The following GRIN2B variants were observed in gnomAD, a reference collection of about 807,000 sequenced individuals.
The protein encoded by GRIN2B is glutamate receptor ionotropic, NMDA 2B.
In GRIN2B, 5 loss-of-function variants were observed where a neutral mutation model predicts 114.5. The observed-to-expected ratio is 0.04, with a 90% confidence interval of 0.02 to 0.09. GRIN2B has a LOEUF of 0.09. Ranked by LOEUF, GRIN2B falls within the 10% of genes least tolerant of loss-of-function variation. The pLI is 1.00. For missense variants in GRIN2B, 1,108 were observed against 1,943.5 expected, an observed-to-expected ratio of 0.57 and a Z score of 8.08; for synonymous variants, 787 against 745.1, an observed-to-expected ratio of 1.06 and a Z score of -0.92.
intron 5 of GRIN2B, among the ~76,000 whole-genome samples, chr12:13,670,746 C>T (rs972442127): frequency 2.0e-5 from 3 of 152,032 alleles, no homozygotes; most frequent in Non-Finnish European, 4.4e-5. Flanking sequence ...CATGCTATGT[C>T]TGCATGCATA....
intron 2 of GRIN2B, among the ~76,000 whole-genome samples, chr12:13,943,096 T>G (rs1867290787): frequency 6.6e-6 from 1 of 152,086 alleles, no homozygotes; most frequent in Non-Finnish European, 1.5e-5. Context: ...GAGCAGCCAC[T>G]GCTCCCGTCT....
At chr12:13,825,716 C>A (rs1351488406) in intron 3 of GRIN2B, among the ~76,000 whole-genome samples, 1 of 151,814 alleles carries the variant, frequency 6.6e-6, no homozygotes, top group East Asian at 1.9e-4. Flanking sequence ...GGGGTTTCAC[C>A]ACATTGGCCA....
At chr12:13,593,511 G>A (rs1267521218) in intron 10 of GRIN2B, among the ~76,000 whole-genome samples, 2 of 152,180 alleles carry the variant, frequency 1.3e-5, no homozygotes, top group African/African-American at 2.4e-5. Flanking sequence ...AGCTGAAACT[G>A]GATCCCTTCC....
intron 3 of GRIN2B, among the ~76,000 whole-genome samples, chr12:13,792,570 AC>A (rs1304882816): frequency 2.0e-4 from 31 of 152,192 alleles, no homozygotes; most frequent in African/African-American, 6.3e-4. Context: ...TTCACCCCAG[AC>A]CCTGTTGAAG....
At chr12:13,678,705 T>C (rs920838433) in intron 4 of GRIN2B, among the ~76,000 whole-genome samples, 21 of 152,082 alleles carry the variant, frequency 1.4e-4, no homozygotes, top group Admixed American at 2.6e-4. Flanking sequence ...CCATCATTAG[T>C]GTGAAGGTAA....
chr12:13,783,036 T>G (rs927249918), intron 3 of GRIN2B, among the ~76,000 whole-genome samples: 4 of 152,184 alleles, frequency 2.6e-5, no homozygotes, highest in Non-Finnish European at 4.4e-5. Context: ...TTCCAAAGAC[T>G]GGGAAATGTT....
intron 3 of GRIN2B, among the ~76,000 whole-genome samples, chr12:13,790,629 T>A (rs554347399): frequency 1.9e-4 from 29 of 152,354 alleles, no homozygotes; most frequent in African/African-American, 7.0e-4. Flanking sequence ...TCATCTCCCA[T>A]GAATCCTCTG....
At chr12:13,659,737 C>A (rs576654028) in intron 5 of GRIN2B, among the ~76,000 whole-genome samples, 2 of 152,264 alleles carry the variant, frequency 1.3e-5, no homozygotes, top group East Asian at 3.9e-4. Flanking sequence ...TAAAACCTTC[C>A]CTATCATTTA....
intron 4 of GRIN2B, among the ~76,000 whole-genome samples, chr12:13,686,945 G>A (rs1190271869): frequency 1.3e-5 from 2 of 152,034 alleles, no homozygotes; most frequent in Non-Finnish European, 2.9e-5. Flanking sequence ...TCTTTATCAG[G>A]TCCCATGAGA....
chr12:13,580,705 A>T (rs1474722856), intron 10 of GRIN2B, among the ~76,000 whole-genome samples: 1 of 152,186 alleles, frequency 6.6e-6, no homozygotes, highest in African/African-American at 2.4e-5. Context: ...TTTTAATAGT[A>T]CTTTTAAATT....
intron 3 of GRIN2B, among the ~76,000 whole-genome samples, chr12:13,842,917 C>CTTTT (rs201344138): frequency 6.8e-5 from 7 of 103,220 alleles, no homozygotes; most frequent in East Asian, 2.9e-4. Context: ...ATTGGTTTTT[C>CTTTT]TTTTTTTTTT....
chr12:13,744,887 C>T (rs1863350140), intron 4 of GRIN2B, among the ~76,000 whole-genome samples: 2 of 152,146 alleles, frequency 1.3e-5, no homozygotes, highest in African/African-American at 4.8e-5. Flanking sequence ...GCTCCTGCCA[C>T]ATATCTTCCT....
At position 13,558,960 on chromosome 12, in the gene GRIN2B, G is replaced by A. The variant is rs983097435; in HGVS notation, c.*3823C>T. On this transcript the variant is annotated 3_prime_UTR_variant, in exon 14 of 14. Transcript: ENST00000609686. ...TCACCAACCACTTCTGCAATGGAAG[G>A]GAATGATAGAGGGTACAAAGCGAGA... The A allele has an allele frequency of 6.6e-6, 1 of 152,190 alleles. No individual in the cohort carries two copies. Among genetic ancestry groups the A allele is most frequent in the African/African-American group, 2.4e-5 (1 of 41,426 alleles). The allele number at this position is 152,190 out of a possible 1,614,324, so 9.4% of individuals were successfully genotyped here. A position where few individuals can be genotyped will look rare whatever the true frequency, so the allele number is the denominator to read the frequency against.
intron 4 of GRIN2B, among the ~76,000 whole-genome samples, chr12:13,739,797 C>G (rs1272275885): frequency 2.6e-5 from 4 of 152,172 alleles, no homozygotes. Flanking sequence ...CCACTAGAGG[C>G]CGCTCTGAGC....
rs1291904458 is a variant in GRIN2B at position 13,753,504 on chromosome 12, T to C, written c.823A>G (p.Thr275Ala). Residue 275 changes from threonine (T) to alanine (A), a missense_variant, in exon 4 of 14, where the codon ACT (threonine) becomes GCT (alanine). Around this residue, in one of 19 missense-constraint regions of GRIN2B, gnomAD observed 199 missense variants for 439.6 expected, o/e 0.45. Coordinates refer to ENST00000609686, the MANE Select transcript of GRIN2B (RefSeq NM_000834.5). This position sits in a 1 kb window ranked among gnomAD's most constrained non-coding sequence, Gnocchi z 6.2. ...DTDTVPAEFP[T>A]GLISVSYDEW... ...TCATATGATACAGAGATGAGCCCAGTGGGGAACTCCGCAGGCACTGTGTCT... is the reference window on the plus strand; with the variant it reads ...TCATATGATACAGAGATGAGCCCAGCGGGGAACTCCGCAGGCACTGTGTCT... 1 of 1,614,030 alleles carries C rather than the reference T, an allele frequency of 6.2e-7. No individual in the cohort carries two copies. Among genetic ancestry groups the C allele is most frequent in the Non-Finnish European group, 8.5e-7 (1 of 1,180,046 alleles).
chr12:13,634,474 C>T (rs901328697), intron 5 of GRIN2B, among the ~76,000 whole-genome samples: 2 of 152,198 alleles, frequency 1.3e-5, no homozygotes, highest in African/African-American at 4.8e-5. Flanking sequence ...CCATCTTCAA[C>T]AGGAGTCTTC....
At chr12:13,654,437 A>G (rs1030947263) in intron 5 of GRIN2B, among the ~76,000 whole-genome samples, 2 of 152,180 alleles carry the variant, frequency 1.3e-5, no homozygotes, top group African/African-American at 4.8e-5. Context: ...AACCAAAGTG[A>G]AAATCTTGAC....
intron 2 of GRIN2B, among the ~76,000 whole-genome samples, chr12:13,938,766 T>G (rs1867176700): frequency 1.3e-5 from 2 of 152,212 alleles, no homozygotes; most frequent in African/African-American, 2.4e-5. Context: ...ACAAGAGAAC[T>G]TCCTTCGATG....
At chr12:13,920,485 G>T (rs1866804971) in intron 2 of GRIN2B, among the ~76,000 whole-genome samples, 1 of 152,184 alleles carries the variant, frequency 6.6e-6, no homozygotes, top group Non-Finnish European at 1.5e-5. Flanking sequence ...GATATTGTTT[G>T]TTGATCCTTA....
Sources: allele counts gnomAD v4.1 joint callset (sites outside exome capture counted in the v4.1 genomes callset), GRCh38; gene constraint gnomAD v4.1.1; regional missense constraint gnomAD v4.1.1; non-coding constraint Gnocchi (gnomAD v3.1); transcripts MANE v1.5; gene names NCBI Gene and HGNC (gene_info 2026-07-23, HGNC 2026-07-21).